The following HSD17B12 variants were observed in gnomAD, a reference collection of about 807,000 sequenced individuals.
The protein encoded by HSD17B12 is hydroxysteroid 17-beta dehydrogenase 12, also known as very-long-chain 3-oxoacyl-CoA reductase.
Under a neutral mutation model 39.3 loss-of-function variants are expected in HSD17B12, and 32 were observed. The ratio of observed to expected loss-of-function variants is 0.81; its 90% CI spans 0.61 to 1.09. The LOEUF (loss-of-function observed/expected upper bound fraction) is 1.09, where lower values mean the gene tolerates loss of function less well. Among genes scored for constraint, HSD17B12 ranks in the 50% least tolerant of loss-of-function variants. The pLI is 0.00. For missense variants in HSD17B12, 342 were observed against 382.9 expected (o/e 0.89, Z 0.89); for synonymous variants, 150 against 146.7 (o/e 1.02, Z -0.16).
At chr11:43,751,659 A>C (rs1477002442) in intron 2 of HSD17B12, among the ~76,000 whole-genome samples, 4 of 152,212 alleles carry the variant, frequency 2.6e-5, no homozygotes, top group Admixed American at 1.3e-4. Flanking sequence ...TTTATTTGGA[A>C]GAATATCAAA....
At chr11:43,656,083 G>T in the HSD17B12 span, among the ~76,000 whole-genome samples, 1 of 152,076 alleles carries the variant, frequency 6.6e-6, no homozygotes, top group Admixed American at 6.5e-5. Flanking sequence ...CAATTTCAGA[G>T]CCTGTTATTC....
At chr11:43,568,906 TTTGGGAA>T in the HSD17B12 span, among the ~76,000 whole-genome samples, 136 of 152,324 alleles carry the variant, frequency 8.9e-4, 1 homozygote, top group African/African-American at 3.2e-3. Context: ...TATTGAGTCA[TTTGGGAA>T]TTGGGAATGA....
chr11:43,802,077 C>G (rs1259917427), intron 4 of HSD17B12, among the ~76,000 whole-genome samples: 2 of 151,988 alleles, frequency 1.3e-5, no homozygotes, highest in Non-Finnish European at 2.9e-5. Context: ...GCTCCATCTC[C>G]CAGGTTCACA....
intron 1 of HSD17B12, among the ~76,000 whole-genome samples, chr11:43,732,349 G>A (rs887944608): frequency 5.3e-5 from 8 of 152,142 alleles, no homozygotes; most frequent in African/African-American, 1.9e-4. Context: ...GCGTGAGAGT[G>A]GACTATACAC....
chr11:43,561,074 T>A, the HSD17B12 span, among the ~76,000 whole-genome samples: 1 of 152,200 alleles, frequency 6.6e-6, no homozygotes, highest in Non-Finnish European at 1.5e-5. Flanking sequence ...ACTGAAGCCG[T>A]GGCTTAGAGC....
chr11:43,773,252 A>G (rs539687596), intron 3 of HSD17B12, among the ~76,000 whole-genome samples: 1 of 152,086 alleles, frequency 6.6e-6, no homozygotes, highest in Non-Finnish European at 1.5e-5. Flanking sequence ...AATTAAAAAA[A>G]TTTTTTTCAG....
chr11:43,772,304 A>G (rs1197153185), intron 3 of HSD17B12, among the ~76,000 whole-genome samples: 9 of 152,244 alleles, frequency 5.9e-5, no homozygotes, highest in Non-Finnish European at 1.0e-4. Flanking sequence ...TTAAAAGTTC[A>G]TTCTTGAAAA....
the HSD17B12 span, among the ~76,000 whole-genome samples, chr11:43,661,218 C>T: frequency 6.6e-6 from 1 of 152,144 alleles, no homozygotes; most frequent in South Asian, 2.1e-4. Flanking sequence ...ACACAAAAAA[C>T]CACATGCTGC....
At chr11:43,817,012 ATATCTATATCTATATC>A (rs1358250861) in intron 6 of HSD17B12, among the ~76,000 whole-genome samples, 1 of 20,264 alleles carries the variant, frequency 4.9e-5, no homozygotes, top group Non-Finnish European at 1.5e-4. Context: ...ATCTATATCT[ATATCTATATCTATATC>A]TATATCTATA....
intron 1 of HSD17B12, among the ~76,000 whole-genome samples, chr11:43,721,104 G>A (rs1330481502): frequency 6.6e-6 from 1 of 151,756 alleles, no homozygotes; most frequent in Non-Finnish European, 1.5e-5. Flanking sequence ...GAGCAAGACA[G>A]TCATAGAGCT....
chr11:43,837,767 C>G (rs1426799354), intron 7 of HSD17B12, among the ~76,000 whole-genome samples: 5 of 152,096 alleles, frequency 3.3e-5, no homozygotes, highest in Non-Finnish European at 5.9e-5. Flanking sequence ...AAGGACATAG[C>G]CATTCACTCA....
the HSD17B12 span, among the ~76,000 whole-genome samples, chr11:43,577,617 A>C: frequency 6.6e-6 from 1 of 151,774 alleles, no homozygotes; most frequent in Non-Finnish European, 1.5e-5. Flanking sequence ...CATGCCCCCC[A>C]TACCCCCGTA....
intron 9 of HSD17B12, among the ~76,000 whole-genome samples, chr11:43,845,144 C>T (rs1445990146): frequency 6.6e-6 from 1 of 152,186 alleles, no homozygotes; most frequent in Non-Finnish European, 1.5e-5. Context: ...CAGGCACATG[C>T]CACCAAGCCT....
chr11:43,784,301 A>ATATTATTAT lies in HSD17B12; in HGVS notation c.284-13981_284-13973dup, dbSNP rs36168037. ...CACAAGTAGTTTAGGTCAGGGATTGATATTATTATTATTATTATTATTATT... is the reference window on the plus strand; with the variant it reads ...CACAAGTAGTTTAGGTCAGGGATTGATATTATTATTATTATTATTATTATTATTATTATT... On this transcript the variant is annotated intron_variant, in intron 3 of 10. Transcript: ENST00000278353. Among the ~76,000 whole-genome samples, 105 of 143,112 alleles carry ATATTATTAT rather than the reference A, an allele frequency of 7.3e-4. 1 individual carries two copies. The highest frequency in any genetic ancestry group is 1.2e-3 in the African/African-American group (46 of 39,128). 93.9% of individuals were successfully genotyped at this position (143,112 alleles called of 152,430 possible). A position where few individuals can be genotyped will look rare whatever the true frequency, so the allele number is the denominator to read the frequency against.
At chr11:43,787,749 A>AT (rs72455980) in intron 3 of HSD17B12, among the ~76,000 whole-genome samples, 289 of 151,530 alleles carry the variant, frequency 1.9e-3, no homozygotes, top group East Asian at 5.4e-3. Flanking sequence ...AAAAAAAAAA[A>AT]AATAATAATA....
At chr11:43,596,509 T>A in the HSD17B12 span, among the ~76,000 whole-genome samples, 4 of 152,188 alleles carry the variant, frequency 2.6e-5, no homozygotes, top group African/African-American at 4.8e-5. Flanking sequence ...CACAGCTTAC[T>A]GCAGCCTCTA....
the HSD17B12 span, among the ~76,000 whole-genome samples, chr11:43,667,981 G>T: frequency 6.6e-6 from 1 of 152,150 alleles, no homozygotes; most frequent in Non-Finnish European, 1.5e-5. Flanking sequence ...TGGTGCTTTT[G>T]AGGGCTGTAG....
the HSD17B12 span, among the ~76,000 whole-genome samples, chr11:43,638,999 C>T: frequency 6.6e-6 from 1 of 152,172 alleles, no homozygotes; most frequent in Non-Finnish European, 1.5e-5. Context: ...TGAAAGTCCA[C>T]ATCTCTAGTG....
chr11:43,635,974 G>A, the HSD17B12 span, among the ~76,000 whole-genome samples: 108 of 152,298 alleles, frequency 7.1e-4, no homozygotes, highest in African/African-American at 2.4e-3. Flanking sequence ...TTTCTATGTA[G>A]TATTCTGGGG....
Sources: allele counts gnomAD v4.1 joint callset (sites outside exome capture counted in the v4.1 genomes callset), GRCh38; gene constraint gnomAD v4.1.1; transcripts MANE v1.5; gene names NCBI Gene and HGNC (gene_info 2026-07-23, HGNC 2026-07-21).